Variants in TENM2 observed in about 807,000 individuals in gnomAD.
TENM2 encodes teneurin transmembrane protein 2.
A neutral mutation model predicts 245.2 loss-of-function variants in TENM2; 52 were observed. That is an observed-to-expected ratio of 0.21 (90% CI 0.17 to 0.27). The LOEUF (loss-of-function observed/expected upper bound fraction) is 0.27, where lower values mean the gene tolerates loss of function less well. Ranked by LOEUF, TENM2 falls within the 10% of genes least tolerant of loss-of-function variation. The probability of loss-of-function intolerance (pLI) is 1.00; values close to 1 mark genes in which losing one functional copy is unlikely to be tolerated. For synonymous variants in TENM2, 1,363 were observed against 1,438.9 expected, an observed-to-expected ratio of 0.95 and a Z score of 1.19; for missense variants, 3,046 against 3,666.8, an observed-to-expected ratio of 0.83 and a Z score of 4.37.
chr5:167,535,340 A>G (rs1771780865), intron 2 of TENM2, among the ~76,000 whole-genome samples: 1 of 151,982 alleles, frequency 6.6e-6, no homozygotes, highest in African/African-American at 2.4e-5. Flanking sequence ...GACAAGGAGA[A>G]GTCTAGCAGA....
chr5:168,173,996 AC>A (rs2152475618), intron 13 of TENM2, among the ~76,000 whole-genome samples: 1 of 152,378 alleles, frequency 6.6e-6, no homozygotes, highest in East Asian at 1.9e-4. Flanking sequence ...AGCCTAGTCC[AC>A]ATGGAGAATG....
intron 2 of TENM2, among the ~76,000 whole-genome samples, chr5:167,678,315 G>A (rs1561663998): frequency 6.6e-6 from 1 of 152,052 alleles, no homozygotes; most frequent in Non-Finnish European, 1.5e-5. Context: ...AACACTTCTT[G>A]TTATCACGTA....
chr5:167,456,238 G>A (rs1020260965), intron 2 of TENM2, among the ~76,000 whole-genome samples: 3 of 152,122 alleles, frequency 2.0e-5, no homozygotes, highest in Admixed American at 2.0e-4. Context: ...CAGTCAATAG[G>A]AACCCCAAAC....
chr5:168,047,824 A>G (rs1788741088), intron 6 of TENM2, among the ~76,000 whole-genome samples: 1 of 152,200 alleles, frequency 6.6e-6, no homozygotes, highest in African/African-American at 2.4e-5. Flanking sequence ...CATGGTCCAG[A>G]GCTACTTGAA....
chr5:167,809,814 T>A (rs527576918), intron 2 of TENM2, among the ~76,000 whole-genome samples: 24 of 152,194 alleles, frequency 1.6e-4, no homozygotes, highest in African/African-American at 5.8e-4. Context: ...GTTTGGGGAA[T>A]TAAATTTTGG....
chr5:167,153,670 T>A, the TENM2 span, among the ~76,000 whole-genome samples: 1 of 151,824 alleles, frequency 6.6e-6, no homozygotes, highest in East Asian at 1.9e-4. Context: ...GCTTTAAATA[T>A]ATATATATAT....
Position 167,334,044 on chromosome 5 carries a change from C to T in TENM2, c.227-41154C>T, listed in dbSNP as rs1412539452. Among the ~76,000 whole-genome samples, 4 of 151,860 alleles carry T rather than the reference C, an allele frequency of 2.6e-5. No homozygotes were observed. In the Middle Eastern group the frequency reaches 0.01, roughly 387 times the overall value. On this transcript the variant is annotated intron_variant, in intron 1 of 28. Transcript: ENST00000518659. ...AAATAAGAATACACTAATAAATATA[C>T]CTTATATTTATTGAATCTTTCCTGT... is the stretch of plus-strand genomic sequence containing the variant.
rs546455397 is a variant in TENM2 at position 167,939,146 on chromosome 5, C to T, written c.713-13442C>T. On this transcript the variant is annotated intron_variant, in intron 3 of 28. Transcript: ENST00000518659. The stretch of plus-strand genomic sequence containing the variant: ...CTAGGCTCTATACAACAGCATTCCT[C>T]AACCTTTTTGGCACCGAGGACCAGT... Among the ~76,000 whole-genome samples, 8 of 152,270 alleles carry T rather than the reference C, an allele frequency of 5.3e-5. No individual in the cohort carries two copies. In the South Asian group the frequency reaches 1.7e-3, roughly 32 times the overall value.
intron 4 of TENM2, chr5:167,965,331 A>G (rs1258561188): frequency 1.3e-5 from 2 of 152,210 alleles, no homozygotes; most frequent in Non-Finnish European, 2.9e-5. Flanking sequence ...TGATTCTAAA[A>G]TAATATGTAT....
the TENM2 span, among the ~76,000 whole-genome samples, chr5:167,197,437 G>A: frequency 6.6e-6 from 1 of 151,990 alleles, no homozygotes; most frequent in African/African-American, 2.4e-5. Context: ...TGGAGGAGGG[G>A]GTCAGTCTTT....
At chr5:168,027,817 CCT>C (rs1786761453) in intron 5 of TENM2, among the ~76,000 whole-genome samples, 4 of 152,044 alleles carry the variant, frequency 2.6e-5, no homozygotes, top group Admixed American at 2.6e-4. Flanking sequence ...ATTGTTTTCC[CCT>C]GTGTGGAATG....
chr5:167,611,096 T>A (rs1441059431), intron 2 of TENM2, among the ~76,000 whole-genome samples: 1 of 152,170 alleles, frequency 6.6e-6, no homozygotes, highest in Admixed American at 6.5e-5. Context: ...TCCCAAAATA[T>A]TCACCTTCAT....
At chr5:167,071,878 G>GCCCCCCCCCCCCCCCCA in the TENM2 span, among the ~76,000 whole-genome samples, 2 of 124,026 alleles carry the variant, frequency 1.6e-5, no homozygotes, top group African/African-American at 5.8e-5. Context: ...TTGACAAATC[G>GCCCCCCCCCCCCCCCCA]CCCCCCCCCG....
At chr5:167,135,464 G>T in the TENM2 span, among the ~76,000 whole-genome samples, 1 of 151,944 alleles carries the variant, frequency 6.6e-6, no homozygotes, top group Non-Finnish European at 1.5e-5. Flanking sequence ...CTACATTCTT[G>T]GCTCTTAAAA....
intron 25 of TENM2, among the ~76,000 whole-genome samples, chr5:168,236,195 G>C (rs1301623053): frequency 6.6e-6 from 1 of 152,168 alleles, no homozygotes; most frequent in Non-Finnish European, 1.5e-5. Flanking sequence ...CTCATCGGGA[G>C]CCTCCTTCTT....
chr5:167,541,642 TAA>T (rs1380724118), intron 2 of TENM2, among the ~76,000 whole-genome samples: 1 of 152,162 alleles, frequency 6.6e-6, no homozygotes, highest in East Asian at 1.9e-4. Context: ...CAAATTGCTT[TAA>T]GTGTTCTTTG....
chr5:167,092,365 A>G, the TENM2 span, among the ~76,000 whole-genome samples: 45 of 152,260 alleles, frequency 3.0e-4, no homozygotes, highest in African/African-American at 1.0e-3. Flanking sequence ...AAAACCTACA[A>G]TATCACTTTA....
chr5:167,680,941 T>G (rs907223074), intron 2 of TENM2, among the ~76,000 whole-genome samples: 2 of 152,152 alleles, frequency 1.3e-5, no homozygotes, highest in Non-Finnish European at 2.9e-5. Flanking sequence ...AATGATGTTG[T>G]TTTTAGTGTA....
intron 13 of TENM2, among the ~76,000 whole-genome samples, chr5:168,169,765 CT>C (rs1758632129): frequency 1.3e-5 from 2 of 152,180 alleles, no homozygotes; most frequent in Admixed American, 6.5e-5. Flanking sequence ...CTGTAAATGC[CT>C]TGATTAATGT....
Sources: allele counts gnomAD v4.1 joint callset (sites outside exome capture counted in the v4.1 genomes callset), GRCh38; gene constraint gnomAD v4.1.1; transcripts MANE v1.5; gene names NCBI Gene and HGNC (gene_info 2026-07-23, HGNC 2026-07-21).